The following ZNF106 variants were observed in gnomAD, a reference collection of about 807,000 sequenced individuals.
The protein encoded by ZNF106 is zinc finger protein 106.
A neutral mutation model predicts 195.1 loss-of-function variants in ZNF106; 67 were observed. That is an observed-to-expected ratio of 0.34 (90% CI 0.28 to 0.42). ZNF106 has a LOEUF of 0.42. Ranked by LOEUF, ZNF106 falls within the 10% of genes least tolerant of loss-of-function variation. The pLI, the probability that ZNF106 is intolerant of heterozygous loss-of-function variation, is 1.00. For missense variants in ZNF106, 2,118 were observed against 2,304.5 expected, an observed-to-expected ratio of 0.92 and a Z score of 1.66; for synonymous variants, 784 against 818.6, an observed-to-expected ratio of 0.96 and a Z score of 0.72.
intron 4 of ZNF106, among the ~76,000 whole-genome samples, chr15:42,456,309 C>T (rs1343124599): frequency 1.3e-5 from 2 of 152,110 alleles, no homozygotes; most frequent in East Asian, 3.8e-4. Flanking sequence ...AACACCTTTC[C>T]ACTGGAAAAT....
intron 17 of ZNF106, among the ~76,000 whole-genome samples, chr15:42,423,772 T>C (rs1372533105): frequency 6.6e-6 from 1 of 152,204 alleles, no homozygotes; most frequent in Admixed American, 6.5e-5. Flanking sequence ...AAATGAGGCA[T>C]TCAAACTAAA....
In ZNF106 at chr15:42,426,563, CTTTTTTTTTTTT is replaced by C. The variant is rs539711765; in HGVS notation, c.4998+1443_4998+1454del. ...TCCAGGCGTGTGCTACCATACTTAG[CTTTTTTTTTTTT>C]TTTTTTTTTGAGAAACAGAGGTCTT... On this transcript the variant is annotated intron_variant, in intron 15 of 21. Transcript: ENST00000564754. 1.1e-4 allele frequency among the ~76,000 whole-genome samples: 13 copies of C among 115,746 alleles called. No homozygotes were observed. In the East Asian group the frequency reaches 1.9e-3, roughly 17 times the overall value. 75.9% of individuals were successfully genotyped at this position (115,746 alleles called of 152,430 possible).
At position 42,444,277 on chromosome 15, in the gene ZNF106, T is replaced by C. The variant is rs1347077739; in HGVS notation, c.3361-15A>G. The C allele has an allele frequency of 6.9e-6, 11 of 1,595,862 alleles. No homozygotes were observed. Among genetic ancestry groups the C allele is most frequent in the Non-Finnish European group, 8.6e-6 (10 of 1,165,866 alleles). On this transcript the variant is annotated splice_polypyrimidine_tract_variant and intron_variant, in intron 8 of 21. Coordinates refer to ENST00000564754, the MANE Select transcript of ZNF106 (RefSeq NM_001366845.3). The stretch of plus-strand genomic sequence containing the variant: ...TCCATAGTTATCTAAAAATAAAGTA[T>C]TTTATTAAGCATTTTGAAATCCAAC...
intron 3 of ZNF106, among the ~76,000 whole-genome samples, chr15:42,463,754 C>T (rs944014536): frequency 7.2e-5 from 11 of 151,936 alleles, no homozygotes; most frequent in African/African-American, 1.7e-4. Flanking sequence ...CAGCTGTGAT[C>T]GTGCCACGGC....
In ZNF106 at chr15:42,417,035, C is replaced by T. The variant is rs112250317; in HGVS notation, c.*269G>A. On this transcript the variant is annotated 3_prime_UTR_variant, in exon 22 of 22. Transcript: ENST00000564754. ...ATCTTCAATAAACATCTGGAGAACG[C>T]AAATAGCATATATCACTATATGCCA... 5.0e-4 allele frequency: 171 copies of T among 341,626 alleles called. No individual in the cohort carries two copies. Among genetic ancestry groups the T allele is most frequent in the African/African-American group, 3.3e-3 (154 of 47,364 alleles). 21.2% of individuals were successfully genotyped at this position (341,626 alleles called of 1,614,324 possible).
intron 4 of ZNF106, among the ~76,000 whole-genome samples, chr15:42,456,339 T>A (rs1386669634): frequency 1.3e-5 from 2 of 152,158 alleles, no homozygotes; most frequent in African/African-American, 4.8e-5. Flanking sequence ...AAATAAAAAC[T>A]TATTGGTATT....
At position 42,448,597 on chromosome 15, in the gene ZNF106, G is replaced by A. The variant is rs868101185; in HGVS notation, c.2610C>T (p.Ser870=). The part of the protein sequence containing the change: ...SLEGFQWEGV[S]ISSSPGLARK... The stretch of plus-strand genomic sequence containing the variant: ...TTGCCAAGCCAGGGGACGAGGAAAT[G>A]GAAACACCTTCCCACTGGAATCCTT... The change falls in exon 6 of 22, where the codon TCC becomes TCT. Residue 870 remains serine (S), a synonymous_variant. Coordinates refer to ENST00000564754, the MANE Select transcript of ZNF106 (RefSeq NM_001366845.3). 6.2e-7 allele frequency: 1 copy of A among 1,614,064 alleles called. No individual in the cohort carries two copies. The highest frequency in any genetic ancestry group is 8.5e-7 in the Non-Finnish European group (1 of 1,180,020).
At chr15:42,470,285 T>C (rs1054068660) in intron 2 of ZNF106, among the ~76,000 whole-genome samples, 4 of 152,152 alleles carry the variant, frequency 2.6e-5, no homozygotes, top group Non-Finnish European at 5.9e-5. Context: ...CATAGTTTAT[T>C]TGGAGAAACC....
chr15:42,472,305 A>G lies in ZNF106; in HGVS notation c.-16T>C. On this transcript the variant is annotated 5_prime_UTR_variant, in exon 2 of 22. Transcript: ENST00000564754. The stretch of plus-strand genomic sequence containing the variant: ...CTCGTACCATAGTGACCAGATCTGA[A>G]GCACTCAACGTCACAGCTGCAATGA... The G allele has an allele frequency of 6.5e-7, 1 of 1,535,206 alleles. No individual in the cohort carries two copies. The highest frequency in any genetic ancestry group is 8.7e-7 in the Non-Finnish European group (1 of 1,146,460).
intron 14 of ZNF106, among the ~76,000 whole-genome samples, chr15:42,432,070 T>C (rs1055450201): frequency 1.3e-5 from 2 of 152,232 alleles, no homozygotes; most frequent in Non-Finnish European, 1.5e-5. Flanking sequence ...AGCTCTGTTA[T>C]TAGGTACCTG....
Position 42,439,141 on chromosome 15 carries a change from A to G in ZNF106, c.4436T>C (p.Ile1479Thr). The G allele has an allele frequency of 3.1e-6, 5 of 1,614,110 alleles. No individual in the cohort carries two copies. The highest frequency in any genetic ancestry group is 3.4e-6 in the Non-Finnish European group (4 of 1,180,032). ...TGGGTTTTGCTCTGTAGAGTTCCAAATATCCTTTTTAGATGGGCTGTCTGG... is the reference window on the plus strand; with the variant it reads ...TGGGTTTTGCTCTGTAGAGTTCCAAGTATCCTTTTTAGATGGGCTGTCTGG... ...EKPDSPSKKDIWNSTEQNPLE... is the reference protein window; with the variant it reads ...EKPDSPSKKDTWNSTEQNPLE... Residue 1479 changes from isoleucine (I) to threonine (T), a missense_variant, in exon 11 of 22, where the codon ATT (isoleucine) becomes ACT (threonine). Ile to Thr is a moderately conservative substitution (Grantham distance 89). Coordinates refer to ENST00000564754, the MANE Select transcript of ZNF106 (RefSeq NM_001366845.3).
chr15:42,459,366 C>T (rs1407945897), intron 3 of ZNF106, among the ~76,000 whole-genome samples: 2 of 151,866 alleles, frequency 1.3e-5, no homozygotes, highest in African/African-American at 4.8e-5. Context: ...ATCCCAGCTA[C>T]TCAAGAGGCT....
chr15:42,472,208 C>T, intron 2 of ZNF106, 28 bp downstream of exon 2: 1 of 1,529,162 alleles, frequency 6.5e-7, no homozygotes, highest in Non-Finnish European at 8.7e-7. Context: ...AGTCATAAAG[C>T]CTCAGATTCT....
intron 6 of ZNF106, among the ~76,000 whole-genome samples, chr15:42,447,455 T>C (rs1001311708): frequency 1.1e-4 from 16 of 152,216 alleles, no homozygotes; most frequent in African/African-American, 3.4e-4. Flanking sequence ...CCAGCAACTC[T>C]TTCTTTTCAG....
At chr15:42,424,530 T>C (rs1030452746) in intron 16 of ZNF106, 1 of 331,808 alleles carries the variant, frequency 3.0e-6, no homozygotes, top group African/African-American at 2.1e-5. Context: ...CTGTTGCCCA[T>C]GCTAGAGTAC....
intron 10 of ZNF106, among the ~76,000 whole-genome samples, chr15:42,440,998 A>ATATATAT (rs1302038726): frequency 4.2e-5 from 1 of 23,578 alleles, no homozygotes; most frequent in African/African-American, 2.5e-4. Context: ...AAAAAAAAAA[A>ATATATAT]ATATATATAT....
chr15:42,470,256 C>T (rs2056634962), intron 2 of ZNF106, among the ~76,000 whole-genome samples: 2 of 152,110 alleles, frequency 1.3e-5, no homozygotes. Context: ...ACTCAAGTCA[C>T]TTAGAACCTT....
intron 15 of ZNF106, 30 bp from the exon 16 acceptor site, chr15:42,425,055 ACC>A (rs1566996665): frequency 1.6e-5 from 26 of 1,607,520 alleles, no homozygotes; most frequent in Non-Finnish European, 2.1e-5. Context: ...TACAGCTAAA[ACC>A]AACTTAGCTG....
At chr15:42,420,758 C>T (rs2054624865) in intron 20 of ZNF106, among the ~76,000 whole-genome samples, 1 of 152,110 alleles carries the variant, frequency 6.6e-6, no homozygotes, top group African/African-American at 2.4e-5. Context: ...AATGAGGACA[C>T]AAACCAAACC....
Sources: gnomAD v4.1 joint callset for allele counts (sites outside exome capture counted in the v4.1 genomes callset) on GRCh38, gnomAD v4.1.1 for gene constraint, MANE v1.5 for transcripts, NCBI Gene and HGNC (gene_info 2026-07-23, HGNC 2026-07-21) for gene names.